AGK: variants seen among roughly 807,000 people sequenced by gnomAD.
AGK encodes the protein acylglycerol kinase, mitochondrial.
A neutral mutation model predicts 66.4 loss-of-function variants in AGK; 52 were observed. The ratio of observed to expected loss-of-function variants is 0.78; its 90% CI spans 0.63 to 0.99. The LOEUF is 0.99. Ranked by LOEUF, AGK falls within the 50% of genes least tolerant of loss-of-function variation. The pLI is 0.00. For synonymous variants in AGK, 182 were observed against 181.1 expected, an observed-to-expected ratio of 1.00 and a Z score of -0.04; for missense variants, 451 against 506.6, an observed-to-expected ratio of 0.89 and a Z score of 1.05.
At chr7:141,642,343 T>C (rs17162367) in intron 13 of AGK, among the ~76,000 whole-genome samples, 1 of 152,152 alleles carries the variant, frequency 6.6e-6, no homozygotes, top group Non-Finnish European at 1.5e-5. Context: ...ATCTACATAT[T>C]ATTTATTTAG....
At chr7:141,562,740 G>C (rs1282139888) in intron 2 of AGK, among the ~76,000 whole-genome samples, 1 of 152,218 alleles carries the variant, frequency 6.6e-6, no homozygotes, top group Non-Finnish European at 1.5e-5. Flanking sequence ...CAGGCAGCCT[G>C]TGCGCAGAAC....
chr7:141,567,381 G>A (rs919909732), intron 2 of AGK, among the ~76,000 whole-genome samples: 2 of 151,826 alleles, frequency 1.3e-5, no homozygotes, highest in Non-Finnish European at 2.9e-5. Context: ...TTGTCTTTTG[G>A]TATCAGATAT....
intron 2 of AGK, among the ~76,000 whole-genome samples, chr7:141,560,161 C>T (rs1437960696): frequency 1.3e-5 from 2 of 151,956 alleles, no homozygotes; most frequent in African/African-American, 4.8e-5. Flanking sequence ...TATTCCTGAT[C>T]TTAGAAGAAA....
chr7:141,589,243 T>C (rs1796056697), intron 2 of AGK, among the ~76,000 whole-genome samples: 1 of 152,224 alleles, frequency 6.6e-6, no homozygotes, highest in Non-Finnish European at 1.5e-5. Context: ...ATATTTTCTG[T>C]TACCTGATAA....
At chr7:141,599,035 T>C (rs951003400) in intron 4 of AGK, 1 of 152,180 alleles carries the variant, frequency 6.6e-6, no homozygotes, top group Non-Finnish European at 1.5e-5. Context: ...AGGAAAGTCT[T>C]TTCTAAAGGT....
chr7:141,573,590 T>C (rs1795662922), intron 2 of AGK, among the ~76,000 whole-genome samples: 1 of 152,252 alleles, frequency 6.6e-6, no homozygotes, highest in Non-Finnish European at 1.5e-5. Flanking sequence ...AAACATTTCA[T>C]GTCCCAGAAC....
intron 9 of AGK, 58 bp downstream of exon 9, chr7:141,621,859 A>ATTTTCTTT: frequency 7.8e-7 from 1 of 1,276,128 alleles, no homozygotes; most frequent in Non-Finnish European, 1.1e-6. Context: ...CTTACATGTT[A>ATTTTCTTT]AAGAAAATAA....
At position 141,653,067 on chromosome 7, in the gene AGK, G is replaced by C; in HGVS notation, c.*143G>C. 1 of 914,690 alleles carries C rather than the reference G, an allele frequency of 1.1e-6. No homozygotes were observed. The highest frequency in any genetic ancestry group is 1.6e-6 in the Non-Finnish European group (1 of 615,056). 56.7% of individuals were successfully genotyped at this position (914,690 alleles called of 1,614,324 possible). On this transcript the variant is annotated 3_prime_UTR_variant, in exon 16 of 16. Transcript: ENST00000649286. Reference sequence around the variant, plus strand: ...CAAGTACCCCTCTGCCCCCACTCCAGCAGTGCTTCCCAAAGTGTGCTCTGT... The same window carrying C: ...CAAGTACCCCTCTGCCCCCACTCCACCAGTGCTTCCCAAAGTGTGCTCTGT...
intron 5 of AGK, among the ~76,000 whole-genome samples, chr7:141,605,148 A>G (rs1434432329): frequency 6.6e-6 from 1 of 152,134 alleles, no homozygotes; most frequent in Non-Finnish European, 1.5e-5. Flanking sequence ...TTTTCAGATT[A>G]TCCAGGTAGC....
At chr7:141,644,442 T>C (rs1797360694) in intron 13 of AGK, among the ~76,000 whole-genome samples, 1 of 152,174 alleles carries the variant, frequency 6.6e-6, no homozygotes, top group African/African-American at 2.4e-5. Context: ...TGCAATACAA[T>C]AAAGGCAGTG....
chr7:141,583,456 G>A (rs1795925648), intron 2 of AGK, among the ~76,000 whole-genome samples: 1 of 148,116 alleles, frequency 6.8e-6, no homozygotes, highest in Non-Finnish European at 1.5e-5. Context: ...AAAGTGGAGA[G>A]AAAAGAGAGG....
chr7:141,626,118 TG>T (rs897798422), intron 9 of AGK, among the ~76,000 whole-genome samples: 4 of 152,190 alleles, frequency 2.6e-5, no homozygotes, highest in Non-Finnish European at 2.9e-5. Flanking sequence ...TGTGAAGGAT[TG>T]GCTTTCGCAG....
intron 10 of AGK, among the ~76,000 whole-genome samples, chr7:141,635,093 G>C (rs1028685717): frequency 1.3e-5 from 2 of 152,114 alleles, no homozygotes; most frequent in African/African-American, 2.4e-5. Context: ...AGTCTGGTTA[G>C]GACAAATTGC....
chr7:141,588,412 G>A (rs1330388717), intron 2 of AGK, among the ~76,000 whole-genome samples: 2 of 152,228 alleles, frequency 1.3e-5, no homozygotes, highest in East Asian at 3.9e-4. Flanking sequence ...GGATCATGAG[G>A]TCAGGAGTTC....
chr7:141,565,961 C>T (rs1795458684), intron 2 of AGK, among the ~76,000 whole-genome samples: 2 of 152,230 alleles, frequency 1.3e-5, no homozygotes, highest in South Asian at 4.1e-4. Context: ...TTCTTACCAG[C>T]TCTACATGTG....
chr7:141,599,157 T>C (rs1434087682), intron 4 of AGK: 4 of 152,200 alleles, frequency 2.6e-5, no homozygotes, highest in African/African-American at 9.6e-5. Flanking sequence ...AATTGCACTA[T>C]TTTTGTCATC....
chr7:141,579,942 A>AT (rs1322445248), intron 2 of AGK, among the ~76,000 whole-genome samples: 1 of 151,922 alleles, frequency 6.6e-6, no homozygotes, highest in Non-Finnish European at 1.5e-5. Flanking sequence ...AGAAGTTGGA[A>AT]TGCTAGTGGC....
At chr7:141,614,559 TAAAA>T (rs949048480) in intron 7 of AGK, among the ~76,000 whole-genome samples, 6 of 141,638 alleles carry the variant, frequency 4.2e-5, no homozygotes, top group Non-Finnish European at 7.7e-5. Context: ...AAGTTTTGAA[TAAAA>T]AAAAAAGCAG....
intron 5 of AGK, among the ~76,000 whole-genome samples, chr7:141,602,120 AACTC>A (rs1796358140): frequency 6.6e-6 from 1 of 150,546 alleles, no homozygotes; most frequent in African/African-American, 2.4e-5. Flanking sequence ...TGATTGGTGA[AACTC>A]ACAGCTAAAA....
Sources: allele counts gnomAD v4.1 joint callset (sites outside exome capture counted in the v4.1 genomes callset), GRCh38; gene constraint gnomAD v4.1.1; transcripts MANE v1.5; gene names NCBI Gene and HGNC (gene_info 2026-07-23, HGNC 2026-07-21).